The following TNK2 variants were observed in gnomAD, a reference collection of about 807,000 sequenced individuals.
The protein encoded by TNK2 is tyrosine kinase non receptor 2, also known as activated CDC42 kinase 1.
TNK2 carries 83 observed loss-of-function variants against 101.8 expected under a neutral mutation model. That is an observed-to-expected ratio of 0.82 (90% CI 0.68 to 0.98). TNK2 has a LOEUF of 0.98. Among genes scored for constraint, TNK2 ranks in the 50% least tolerant of loss-of-function variants. TNK2 has a pLI of 0.00. For synonymous variants in TNK2, 804 were observed against 633.0 expected, an observed-to-expected ratio of 1.27 and a Z score of -4.06; for missense variants, 1,665 against 1,483.2, an observed-to-expected ratio of 1.12 and a Z score of -2.01.
intron 1 of TNK2, chr3:195,892,524 G>C (rs765171463): frequency 6.5e-7 from 1 of 1,532,444 alleles, no homozygotes; most frequent in Non-Finnish European, 8.7e-7. Context: ...CAGTCACTGG[G>C]GATCCAGTGG....
intron 1 of TNK2, among the ~76,000 whole-genome samples, chr3:195,905,536 G>A (rs1473039345): frequency 6.6e-6 from 1 of 152,078 alleles, no homozygotes; most frequent in Non-Finnish European, 1.5e-5. Flanking sequence ...AGGCAATTCA[G>A]TGGAGAGATA....
At chr3:195,887,782 C>CAT (rs1756433662) in intron 2 of TNK2, among the ~76,000 whole-genome samples, 3 of 150,768 alleles carry the variant, frequency 2.0e-5, no homozygotes, top group African/African-American at 7.4e-5. Context: ...CGTCTGCGCG[C>CAT]GTGTGTGTAC....
At chr3:195,890,459 T>G (rs1191619123) in intron 1 of TNK2, among the ~76,000 whole-genome samples, 1 of 149,308 alleles carries the variant, frequency 6.7e-6, no homozygotes, top group Non-Finnish European at 1.5e-5. Context: ...TTTTGGTTTT[T>G]TTTTTTTTTT....
In TNK2 at chr3:195,868,696, G is replaced by A. The variant is rs1051704649; in HGVS notation, c.1602C>T (p.Asp534=). The change falls in exon 13 of 16, where the codon GAC becomes GAT. Residue 534 remains aspartate, a synonymous_variant. Transcript: ENST00000672887. ...PAFFTQKPTY[D]PVSEDQDPLS... Reference sequence around the variant, plus strand: ...AGGGGTCTTGGTCCTCGCTCACAGGGTCATAGGTTGGTTCTGTGATGGAAA... The same window carrying A: ...AGGGGTCTTGGTCCTCGCTCACAGGATCATAGGTTGGTTCTGTGATGGAAA... The A allele has an allele frequency of 2.4e-5, 38 of 1,576,692 alleles. 1 individual carries two copies. Among genetic ancestry groups the A allele is most frequent in the Non-Finnish European group, 3.1e-5 (36 of 1,170,966 alleles).
intron 1 of TNK2, among the ~76,000 whole-genome samples, chr3:195,901,691 G>A (rs1043489921): frequency 1.4e-5 from 2 of 146,230 alleles, no homozygotes; most frequent in African/African-American, 2.4e-5. Flanking sequence ...TCTTCACTGA[G>A]AGTGTACCTT....
intron 1 of TNK2, among the ~76,000 whole-genome samples, chr3:195,901,537 A>T (rs1431990965): frequency 1.3e-5 from 2 of 151,142 alleles, no homozygotes; most frequent in African/African-American, 4.9e-5. Flanking sequence ...GGAGGAAGAG[A>T]GGGACCAGGA....
chr3:195,866,972 G>GCACTCCCCTCTGGGC lies in TNK2; in HGVS notation c.3063_3077dup (p.Glu1025_Cys1026insTrpProArgGlyGlu), dbSNP rs1364535715. ...AGTCGAACATCTCCAGCACTTTGTG[G>GCACTCCCCTCTGGGC]CACTCCCCTCTGGGCCGCAGACCCA... is the stretch of plus-strand genomic sequence containing the variant. On this transcript the variant is annotated inframe_insertion, in exon 15 of 16. Transcript: ENST00000672887. 3 of 1,613,066 alleles carry GCACTCCCCTCTGGGC rather than the reference G, an allele frequency of 1.9e-6. No homozygotes were observed. Among genetic ancestry groups the GCACTCCCCTCTGGGC allele is most frequent in the Non-Finnish European group, 1.7e-6 (2 of 1,179,894 alleles).
At chr3:195,897,559 T>C (rs1760744041) in intron 1 of TNK2, among the ~76,000 whole-genome samples, 1 of 152,218 alleles carries the variant, frequency 6.6e-6, no homozygotes, top group Non-Finnish European at 1.5e-5. Context: ...TGGAGTGCAG[T>C]GGTGCGATCT....
intron 9 of TNK2, chr3:195,876,635 G>A (rs1345437248): frequency 4.4e-6 from 2 of 456,192 alleles, no homozygotes; most frequent in South Asian, 3.1e-5. Flanking sequence ...CAGGCACGGA[G>A]GGCAGGTGCT....
chr3:195,867,864 G>T lies in TNK2; in HGVS notation c.2434C>A (p.Pro812Thr), dbSNP rs1401725905. 9.8e-6 allele frequency: 15 copies of T among 1,530,586 alleles called. No individual in the cohort carries two copies. Among genetic ancestry groups the T allele is most frequent in the Non-Finnish European group, 1.3e-5 (15 of 1,144,956 alleles). The allele number at this position is 1,530,586 out of a possible 1,614,324, so 94.8% of individuals were successfully genotyped here. The change falls in exon 13 of 16, where the codon CCA (proline) becomes ACA (threonine). Residue 812 changes from proline (P) to threonine (T), a missense_variant. By Grantham distance (38) the Pro-to-Thr change is conservative. Transcript: ENST00000672887. Reference protein sequence around the residue: ...QGSRTPSPLVPPGSSPLPPRL... With the variant: ...QGSRTPSPLVTPGSSPLPPRL... ...GGTGGCAGCGGGGAGCTGCCAGGTG[G>T]TACCAGGGGGCTGGGTGTCCTCGAG...
chr3:195,875,593 G>A (rs529192331), intron 9 of TNK2, among the ~76,000 whole-genome samples: 152 of 152,288 alleles, frequency 1.0e-3, no homozygotes, highest in African/African-American at 3.5e-3. Context: ...CAGTGTGGCC[G>A]AGGCACCAGC....
intron 9 of TNK2, among the ~76,000 whole-genome samples, chr3:195,877,366 C>G (rs1428049409): frequency 6.6e-6 from 1 of 152,154 alleles, no homozygotes; most frequent in East Asian, 1.9e-4. Context: ...CACAGCCCCC[C>G]AGGTCTCCTC....
intron 9 of TNK2, chr3:195,876,856 G>C (rs1204428425): frequency 5.6e-6 from 2 of 357,134 alleles, no homozygotes; most frequent in Non-Finnish European, 1.1e-5. Flanking sequence ...CAGCTCCAGA[G>C]ACACACGCCC....
intron 10 of TNK2, among the ~76,000 whole-genome samples, chr3:195,871,260 G>A (rs1577011711): frequency 6.6e-6 from 1 of 152,234 alleles, no homozygotes; most frequent in East Asian, 1.9e-4. Flanking sequence ...ATGCCCCTCG[G>A]TGGCCTTATC....
chr3:195,894,701 CTTT>C (rs2149793190), intron 1 of TNK2: 1 of 152,746 alleles, frequency 6.5e-6, no homozygotes, highest in East Asian at 1.9e-4. Context: ...GCCCGGCCCC[CTTT>C]CTCCTCGCCC....
chr3:195,893,702 G>A (rs1759503494), intron 1 of TNK2, among the ~76,000 whole-genome samples: 1 of 151,946 alleles, frequency 6.6e-6, no homozygotes, highest in South Asian at 2.1e-4. Context: ...AGCTCCCCAG[G>A]CACCCCCCTC....
At chr3:195,870,648 GCCACCTGTCCTGCTCCGGAT>G (rs1299677792) in intron 10 of TNK2, among the ~76,000 whole-genome samples, 1 of 152,248 alleles carries the variant, frequency 6.6e-6, no homozygotes, top group African/African-American at 2.4e-5. Context: ...GAGAGGCTGG[GCCACCTGTCCTGCTCCGGAT>G]CCACCCTCCG....
chr3:195,891,870 A>G (rs1446253263), intron 1 of TNK2: 2 of 973,718 alleles, frequency 2.1e-6, no homozygotes, highest in Non-Finnish European at 2.4e-6. Flanking sequence ...CAGAAAGCAC[A>G]GCCCGGCCTG....
chr3:195,872,682 C>T (rs1251114389), intron 9 of TNK2: 13 of 550,362 alleles, frequency 2.4e-5, no homozygotes, highest in Non-Finnish European at 4.1e-5. Flanking sequence ...CCACAACTCT[C>T]TAGGTGGGTC....
Sources: allele counts gnomAD v4.1 joint callset (sites outside exome capture counted in the v4.1 genomes callset), GRCh38; gene constraint gnomAD v4.1.1; transcripts MANE v1.5; gene names NCBI Gene and HGNC (gene_info 2026-07-23, HGNC 2026-07-21).